The following HOOK3 variants were observed in gnomAD, a reference collection of about 807,000 sequenced individuals.
The protein encoded by HOOK3 is protein Hook homolog 3.
A neutral mutation model predicts 116.3 loss-of-function variants in HOOK3; 24 were observed. The observed-to-expected ratio is 0.21, with a 90% confidence interval of 0.15 to 0.29. The LOEUF (loss-of-function observed/expected upper bound fraction) is 0.29. Ranked by LOEUF, HOOK3 falls within the 10% of genes least tolerant of loss-of-function variation. The pLI, the probability that HOOK3 is intolerant of heterozygous loss-of-function variation, is 1.00. For synonymous variants in HOOK3, 275 were observed against 283.0 expected, an observed-to-expected ratio of 0.97 and a Z score of 0.28; for missense variants, 632 against 830.2, an observed-to-expected ratio of 0.76 and a Z score of 2.93.
At chr8:42,973,095 A>G (rs553960768) in intron 11 of HOOK3, among the ~76,000 whole-genome samples, 194 bp from the exon 12 acceptor site, 92 of 152,364 alleles carry the variant, frequency 6.0e-4, no homozygotes, top group Admixed American at 9.2e-4. Flanking sequence ...GTTACACTGG[A>G]TGATTCTGGT....
At chr8:42,947,476 A>T (rs1804167213) in intron 5 of HOOK3, among the ~76,000 whole-genome samples, 1 of 152,200 alleles carries the variant, frequency 6.6e-6, no homozygotes. Context: ...GGGAAAGAAG[A>T]TAGTCAATTA....
rs1418479266 is a variant in HOOK3, at chr8:43,027,873, C to G, written c.*9375C>G. ...CAGACAGTACAGGTATAGAACATTT[C>G]CAGTATTGCCAAAAATGCTATTCAA... On this transcript the variant is annotated 3_prime_UTR_variant, in exon 22 of 22. Transcript: ENST00000307602. 5.0e-6 allele frequency: 1 copy of G among 200,686 alleles called. No homozygotes were observed. Among genetic ancestry groups the G allele is most frequent in the African/African-American group, 2.3e-5 (1 of 43,542 alleles). The allele number at this position is 200,686 out of a possible 1,614,324, so 12.4% of individuals were successfully genotyped here.
intron 10 of HOOK3, 129 bp from the exon 11 acceptor site, chr8:42,967,880 CAGAA>C (rs2130425771): frequency 1.7e-6 from 1 of 606,044 alleles, no homozygotes; most frequent in Admixed American, 3.0e-5. Context: ...TTAACCTGTG[CAGAA>C]AATTAACCTG....
At chr8:43,014,508 C>T (rs1053292134) in intron 21 of HOOK3, among the ~76,000 whole-genome samples, 8 of 151,702 alleles carry the variant, frequency 5.3e-5, no homozygotes, top group African/African-American at 1.2e-4. Context: ...CCTGCCAGCA[C>T]GCCCGAATAA....
intron 15 of HOOK3, among the ~76,000 whole-genome samples, chr8:42,992,217 G>A (rs888408810): frequency 1.3e-5 from 2 of 151,062 alleles, no homozygotes; most frequent in Non-Finnish European, 2.9e-5. Flanking sequence ...TGGCGAACAC[G>A]GTGAAACCCC....
Position 42,906,168 on chromosome 8 carries a change from T to C in HOOK3, c.58-5T>C. 3 of 659,534 alleles carry C rather than the reference T, an allele frequency of 4.5e-6. No individual in the cohort carries two copies. The highest frequency in any genetic ancestry group is 7.7e-6 in the Non-Finnish European group (3 of 389,008). The allele number at this position is 659,534 out of a possible 1,614,324, so 40.9% of individuals were successfully genotyped here. ...TCTCCCCCCCCCCTCTTTTTTTCCC[T>C]TCAGATCCAGACATTTAATGTGGAT... On this transcript the variant is annotated splice_region_variant and splice_polypyrimidine_tract_variant and intron_variant, in intron 1 of 21. Coordinates refer to ENST00000307602, the MANE Select transcript of HOOK3 (RefSeq NM_032410.4).
chr8:43,011,967 C>T (rs1809620560), intron 19 of HOOK3, among the ~76,000 whole-genome samples: 1 of 152,176 alleles, frequency 6.6e-6, no homozygotes, highest in African/African-American at 2.4e-5. Context: ...GCCAGAATCA[C>T]ATCCAATGTC....
intron 5 of HOOK3, among the ~76,000 whole-genome samples, chr8:42,946,763 CTTTTTTTT>C (rs34564365): frequency 2.7e-5 from 2 of 73,956 alleles, no homozygotes; most frequent in Non-Finnish European, 4.9e-5. Context: ...CTCTTTCTTT[CTTTTTTTT>C]TTTTTTTTTT....
chr8:43,016,096 G>T (rs1809710233), intron 21 of HOOK3, among the ~76,000 whole-genome samples: 1 of 148,090 alleles, frequency 6.8e-6, no homozygotes, highest in South Asian at 2.2e-4. Context: ...ATTCTGTGAA[G>T]TGGTACTAAA....
rs1403349141 is a variant in HOOK3, at chr8:43,020,240, C to A, written c.*1742C>A. ...CATGAATGCTTCTGCCTGACAGGAC[C>A]ACAAAGCAGCAGAAGTTAGGGATAA... On this transcript the variant is annotated 3_prime_UTR_variant, in exon 22 of 22. Coordinates refer to ENST00000307602, the MANE Select transcript of HOOK3 (RefSeq NM_032410.4). The A allele has an allele frequency of 5.0e-6, 1 of 199,990 alleles. No homozygotes were observed. The highest frequency in any genetic ancestry group is 1.0e-5 in the Non-Finnish European group (1 of 96,986). 12.4% of individuals were successfully genotyped at this position (199,990 alleles called of 1,614,324 possible). A position where few individuals can be genotyped will look rare whatever the true frequency, so the allele number is the denominator to read the frequency against.
rs1412102250 is a variant in HOOK3 at position 43,027,838 on chromosome 8, A to G, written c.*9340A>G. ...TGTTCCACAGTCACATGTGGATAGT[A>G]GTTACCTATCAGACAGTACAGGTAT... On this transcript the variant is annotated 3_prime_UTR_variant, in exon 22 of 22. Coordinates refer to ENST00000307602, the MANE Select transcript of HOOK3 (RefSeq NM_032410.4). 2 of 203,304 alleles carry G rather than the reference A, an allele frequency of 9.8e-6. No homozygotes were observed. The highest frequency in any genetic ancestry group is 7.7e-5 in the East Asian group (1 of 13,034). The allele number at this position is 203,304 out of a possible 1,614,324, so 12.6% of individuals were successfully genotyped here.
At chr8:43,017,499 C>T (rs1488486049) in intron 21 of HOOK3, among the ~76,000 whole-genome samples, 1 of 152,114 alleles carries the variant, frequency 6.6e-6, no homozygotes, top group African/African-American at 2.4e-5. Context: ...CTTCTAGCCT[C>T]AAGTGATCTT....
Position 43,026,712 on chromosome 8 carries a change from T to C in HOOK3, c.*8214T>C, listed in dbSNP as rs1004788093. On this transcript the variant is annotated 3_prime_UTR_variant, in exon 22 of 22. Transcript: ENST00000307602. ...CTTCAGCAGTGCCTCCGTCACTGCA[T>C]GTACCTAAAAGACAGGAAAGCCAAG... 3.1e-5 allele frequency: 7 copies of C among 223,776 alleles called. No homozygotes were observed. Among genetic ancestry groups the C allele is most frequent in the Non-Finnish European group, 6.2e-5 (7 of 112,070 alleles). The allele number at this position is 223,776 out of a possible 1,614,324, so 13.9% of individuals were successfully genotyped here.
intron 13 of HOOK3, among the ~76,000 whole-genome samples, chr8:42,978,979 C>T (rs1586619030): frequency 6.6e-6 from 1 of 152,106 alleles, no homozygotes; most frequent in Non-Finnish European, 1.5e-5. Context: ...GGATATGGGC[C>T]AGGCATGGTG....
At chr8:42,915,725 C>T (rs1429017206) in intron 2 of HOOK3, among the ~76,000 whole-genome samples, 1 of 152,184 alleles carries the variant, frequency 6.6e-6, no homozygotes, top group African/African-American at 2.4e-5. Flanking sequence ...AGCCACCATG[C>T]CTGGCCATAT....
chr8:42,979,004 TC>T (rs528929270), intron 13 of HOOK3, among the ~76,000 whole-genome samples: 336 of 152,312 alleles, frequency 2.2e-3, no homozygotes, highest in African/African-American at 7.9e-3. Flanking sequence ...TTGCCTGTCA[TC>T]CTAGCACTTT....
intron 14 of HOOK3, among the ~76,000 whole-genome samples, chr8:42,983,640 C>T (rs1280519884): frequency 1.3e-5 from 2 of 152,090 alleles, no homozygotes; most frequent in African/African-American, 2.4e-5. Context: ...CGTGCCACCA[C>T]GCCTGGCTAT....
chr8:42,970,979 G>A (rs1199338421), intron 11 of HOOK3, among the ~76,000 whole-genome samples: 1 of 151,822 alleles, frequency 6.6e-6, no homozygotes, highest in East Asian at 1.9e-4. Flanking sequence ...TAGAATTGGG[G>A]TTTCTCCATG....
chr8:42,932,243 T>G (rs182535244), intron 4 of HOOK3, among the ~76,000 whole-genome samples: 43 of 152,316 alleles, frequency 2.8e-4, no homozygotes, highest in Non-Finnish European at 5.3e-4. Context: ...TTAGACACGT[T>G]GACAAAATGT....
Sources: allele counts gnomAD v4.1 joint callset (sites outside exome capture counted in the v4.1 genomes callset), GRCh38; gene constraint gnomAD v4.1.1; transcripts MANE v1.5; gene names NCBI Gene and HGNC (gene_info 2026-07-23, HGNC 2026-07-21).